BTG4: variants seen among roughly 807,000 people sequenced by gnomAD.
BTG4 encodes protein BTG4.
BTG4 carries 10 observed loss-of-function variants against 19.3 expected under a neutral mutation model. The observed-to-expected ratio is 0.52, with a 90% CI of 0.32 to 0.88. BTG4 has a LOEUF of 0.88. Among genes scored for constraint, BTG4 ranks in the 40% least tolerant of loss-of-function variants. The probability of loss-of-function intolerance (pLI) is 0.04; values close to 1 mark genes in which losing one functional copy is unlikely to be tolerated. For synonymous variants in BTG4, 91 were observed against 95.7 expected (o/e 0.95, Z 0.29); for missense variants, 238 against 281.9 (o/e 0.84, Z 1.11).
the BTG4 span, chr11:111,455,856 T>C: frequency 2.0e-5 from 9 of 455,504 alleles, no homozygotes; most frequent in Non-Finnish European, 4.0e-5. Flanking sequence ...GCACCGGCAC[T>C]GGGGCGGAGC....
intron 5 of BTG4, among the ~76,000 whole-genome samples, chr11:111,482,976 A>G (rs1255443986): frequency 6.6e-6 from 1 of 152,172 alleles, no homozygotes; most frequent in Non-Finnish European, 1.5e-5. Flanking sequence ...CGTCATTAAG[A>G]GGATAAAACA....
chr11:111,502,740 C>A (rs901848659), intron 1 of BTG4, among the ~76,000 whole-genome samples: 1 of 152,320 alleles, frequency 6.6e-6, no homozygotes, highest in African/African-American at 2.4e-5. Context: ...TGATGACAAA[C>A]TGTTCCCTTG....
chr11:111,494,396 A>G (rs1158626784), downstream of BTG4, among the ~76,000 whole-genome samples: 3 of 152,228 alleles, frequency 2.0e-5, no homozygotes, highest in African/African-American at 4.8e-5. Context: ...AGAAGAGTCA[A>G]ACTATTTTTG....
intron 5 of BTG4, among the ~76,000 whole-genome samples, chr11:111,486,052 C>T (rs1201942580): frequency 6.6e-6 from 1 of 152,170 alleles, no homozygotes; most frequent in Admixed American, 6.5e-5. Flanking sequence ...AGATCCAAAA[C>T]CTGAATAGAC....
downstream of BTG4, among the ~76,000 whole-genome samples, chr11:111,490,256 A>C (rs1949906953): frequency 6.6e-6 from 1 of 150,598 alleles, no homozygotes; most frequent in Admixed American, 6.7e-5. Context: ...CTGGGCAACG[A>C]GAGCAAAACT....
At chr11:111,473,226 T>C (rs1864183702) in intron 5 of BTG4, 1 of 152,616 alleles carries the variant, frequency 6.6e-6, no homozygotes, top group African/African-American at 2.4e-5. Context: ...GTCCACATTC[T>C]GGCTAACAAG....
chr11:111,511,305 C>T (rs953652153), intron 1 of BTG4, among the ~76,000 whole-genome samples: 7 of 152,212 alleles, frequency 4.6e-5, no homozygotes, highest in Admixed American at 3.3e-4. Context: ...TGCTGTCTTT[C>T]ATATGCAAAG....
chr11:111,390,852 C>G, the BTG4 span, among the ~76,000 whole-genome samples: 5 of 152,216 alleles, frequency 3.3e-5, no homozygotes, highest in Non-Finnish European at 7.3e-5. Flanking sequence ...CCAGTTGAGG[C>G]AGACTTCACA....
At chr11:111,433,295 C>G in the BTG4 span, among the ~76,000 whole-genome samples, 1 of 152,148 alleles carries the variant, frequency 6.6e-6, no homozygotes, top group African/African-American at 2.4e-5. Flanking sequence ...CAAAAACAAG[C>G]AACAGGGAAA....
the BTG4 span, among the ~76,000 whole-genome samples, chr11:111,420,811 G>C: frequency 6.6e-6 from 1 of 152,140 alleles, no homozygotes; most frequent in Admixed American, 6.5e-5. Flanking sequence ...AAACTAACAG[G>C]CCTTACCCTC....
the BTG4 span, among the ~76,000 whole-genome samples, chr11:111,403,852 G>A: frequency 6.6e-6 from 1 of 152,138 alleles, no homozygotes; most frequent in Admixed American, 6.5e-5. Flanking sequence ...AGCAATGTGA[G>A]GATATTAGCA....
chr11:111,406,261 C>CA, the BTG4 span, among the ~76,000 whole-genome samples: 1 of 152,222 alleles, frequency 6.6e-6, no homozygotes, highest in Non-Finnish European at 1.5e-5. Flanking sequence ...ACTACAGGCA[C>CA]ACGCCACTGT....
chr11:111,398,554 C>T, the BTG4 span, among the ~76,000 whole-genome samples: 2 of 152,122 alleles, frequency 1.3e-5, no homozygotes, highest in African/African-American at 4.8e-5. Flanking sequence ...CCTGGGTTCA[C>T]GCCATTCTCC....
the BTG4 span, chr11:111,456,433 C>T: frequency 1.4e-5 from 6 of 438,008 alleles, no homozygotes; most frequent in Middle Eastern, 7.1e-4. The surrounding 1 kb of genome is among the most constrained non-coding windows in gnomAD (Gnocchi z 4.2). Flanking sequence ...CTTCCAGTCA[C>T]CAGCCAAGGG....
the BTG4 span, among the ~76,000 whole-genome samples, chr11:111,407,838 G>A: frequency 6.6e-6 from 1 of 152,198 alleles, no homozygotes; most frequent in Non-Finnish European, 1.5e-5. Context: ...TTCCATGGTG[G>A]AGCCCATTTG....
chr11:111,448,565 C>T, the BTG4 span: 1 of 152,904 alleles, frequency 6.5e-6, no homozygotes, highest in South Asian at 2.1e-4. Context: ...TCTTCAACCC[C>T]TGGCCCGGCC....
chr11:111,440,559 G>A, the BTG4 span, among the ~76,000 whole-genome samples: 7 of 152,318 alleles, frequency 4.6e-5, no homozygotes, highest in African/African-American at 1.7e-4. Context: ...CCTGGGCGGT[G>A]TCCCCATTTG....
chr11:111,445,901 TC>T, the BTG4 span, among the ~76,000 whole-genome samples: 9 of 152,190 alleles, frequency 5.9e-5, no homozygotes, highest in Admixed American at 3.3e-4. Flanking sequence ...GTTGGAGTAA[TC>T]TGAACCTACT....
the BTG4 span, among the ~76,000 whole-genome samples, chr11:111,432,985 C>A: frequency 6.6e-6 from 1 of 152,072 alleles, no homozygotes; most frequent in African/African-American, 2.4e-5. Flanking sequence ...AGCCACCATG[C>A]CTGGCCTCAA....
Sources: allele counts gnomAD v4.1 joint callset (sites outside exome capture counted in the v4.1 genomes callset), GRCh38; gene constraint gnomAD v4.1.1; non-coding constraint Gnocchi (gnomAD v3.1); transcripts MANE v1.5; gene names NCBI Gene and HGNC (gene_info 2026-07-23, HGNC 2026-07-21).